The following GRID2 variants were observed in gnomAD, a reference collection of about 807,000 sequenced individuals.
GRID2 encodes the protein glutamate ionotropic receptor delta type subunit 2.
In GRID2, 33 loss-of-function variants were observed where a neutral mutation model predicts 114.8. That is an observed-to-expected ratio of 0.29 (90% CI 0.22 to 0.38). GRID2 has a LOEUF of 0.38. GRID2 is among the 10% of genes least tolerant of loss of function. The pLI is 1.00. For synonymous variants in GRID2, 505 were observed against 449.9 expected, an observed-to-expected ratio of 1.12 and a Z score of -1.55; for missense variants, 1,184 against 1,257.7, an observed-to-expected ratio of 0.94 and a Z score of 0.89.
intron 2 of GRID2, among the ~76,000 whole-genome samples, chr4:93,069,303 C>T (rs1489740474): frequency 1.3e-5 from 2 of 151,328 alleles, no homozygotes; most frequent in African/African-American, 4.8e-5. Flanking sequence ...TATATATATG[C>T]ATGTGTGTAT....
At chr4:92,962,848 C>T (rs1283455743) in intron 2 of GRID2, among the ~76,000 whole-genome samples, 2 of 152,042 alleles carry the variant, frequency 1.3e-5, no homozygotes, top group East Asian at 3.9e-4. Flanking sequence ...AGCAATAGTT[C>T]CCACAGAGGT....
At chr4:92,401,640 G>A (rs760120282) in intron 1 of GRID2, among the ~76,000 whole-genome samples, 3 of 152,078 alleles carry the variant, frequency 2.0e-5, no homozygotes, top group Non-Finnish European at 4.4e-5. Context: ...GTATGCAATA[G>A]CATTATGTCA....
At chr4:93,554,150 A>C (rs893657518) in intron 13 of GRID2, among the ~76,000 whole-genome samples, 6 of 152,262 alleles carry the variant, frequency 3.9e-5, no homozygotes, top group Admixed American at 1.3e-4. Flanking sequence ...GAAAATTACC[A>C]CTATGAATGG....
intron 2 of GRID2, among the ~76,000 whole-genome samples, chr4:92,814,786 A>G (rs1740808088): frequency 2.0e-5 from 3 of 152,086 alleles, no homozygotes; most frequent in Non-Finnish European, 4.4e-5. Flanking sequence ...AACTCACTGA[A>G]AAGCCATCAG....
Position 93,772,145 on chromosome 4 carries a change from C to G in GRID2, c.2671C>G (p.Pro891Ala), listed in dbSNP as rs140345880. The change falls in exon 16 of 16, where the codon CCC becomes GCC. Residue 891 changes from proline to alanine, a missense_variant. Transcript: ENST00000282020. ...VNSLCTDDDS[P>A]HKQFSTSSID... ...TAGCTTGTGCACAGATGACGACAGC[C>G]CCCATAAACAGTTTTCCACCTCGTC... is the stretch of plus-strand genomic sequence containing the variant. The G allele has an allele frequency of 1.9e-6, 3 of 1,612,460 alleles. No individual in the cohort carries two copies. In the African/African-American group the frequency reaches 4.0e-5, roughly 22 times the overall value.
chr4:93,173,826 C>A (rs1363744419), intron 4 of GRID2, among the ~76,000 whole-genome samples: 1 of 152,024 alleles, frequency 6.6e-6, no homozygotes, highest in Non-Finnish European at 1.5e-5. Context: ...GAGACAGGGT[C>A]TTGCTATTTG....
At chr4:92,941,783 G>T (rs1751158230) in intron 2 of GRID2, among the ~76,000 whole-genome samples, 1 of 151,996 alleles carries the variant, frequency 6.6e-6, no homozygotes, top group Non-Finnish European at 1.5e-5. Context: ...TGTTCTCATT[G>T]GTTTCAAAGA....
chr4:93,752,851 T>C (rs528495065), intron 14 of GRID2, among the ~76,000 whole-genome samples: 100 of 152,328 alleles, frequency 6.6e-4, no homozygotes, highest in Non-Finnish European at 5.7e-4. Context: ...GCACATTGTT[T>C]TGCAGGTAAA....
At chr4:93,088,983 C>T (rs542754441) in intron 3 of GRID2, among the ~76,000 whole-genome samples, 1 of 152,130 alleles carries the variant, frequency 6.6e-6, no homozygotes, top group African/African-American at 2.4e-5. Context: ...CTATATCCAG[C>T]CTCTGTTCTA....
chr4:92,739,969 C>A (rs1736791667), intron 2 of GRID2, among the ~76,000 whole-genome samples: 1 of 152,046 alleles, frequency 6.6e-6, no homozygotes, highest in African/African-American at 2.4e-5. Context: ...TCCATAATCT[C>A]ATTATAGAAG....
At chr4:92,475,691 T>G (rs1722270793) in intron 1 of GRID2, among the ~76,000 whole-genome samples, 1 of 152,036 alleles carries the variant, frequency 6.6e-6, no homozygotes, top group Non-Finnish European at 1.5e-5. Flanking sequence ...TTAGGATTAT[T>G]TTTTAATTTT....
intron 4 of GRID2, among the ~76,000 whole-genome samples, chr4:93,131,923 T>C (rs985651239): frequency 6.6e-6 from 1 of 152,202 alleles, no homozygotes; most frequent in African/African-American, 2.4e-5. Context: ...CCGGGTCTCC[T>C]AGAATAGTGT....
chr4:92,843,150 G>A (rs1407785756), intron 2 of GRID2, among the ~76,000 whole-genome samples: 1 of 152,052 alleles, frequency 6.6e-6, no homozygotes, highest in Non-Finnish European at 1.5e-5. Flanking sequence ...GCTGAGGTGG[G>A]AGAATCGCTT....
intron 1 of GRID2, among the ~76,000 whole-genome samples, chr4:93,782,060 A>C (rs1360225945): frequency 6.6e-6 from 1 of 152,202 alleles, no homozygotes; most frequent in African/African-American, 2.4e-5. Flanking sequence ...AATAGTACAG[A>C]AGAACCCTCA....
intron 2 of GRID2, among the ~76,000 whole-genome samples, chr4:92,947,133 G>C (rs933576079): frequency 1.3e-5 from 2 of 152,016 alleles, no homozygotes; most frequent in Non-Finnish European, 2.9e-5. Flanking sequence ...TTATATGTCT[G>C]TTGGCTTTAC....
chr4:92,561,235 T>A (rs900855337), intron 1 of GRID2, among the ~76,000 whole-genome samples: 9 of 152,238 alleles, frequency 5.9e-5, no homozygotes, highest in African/African-American at 2.2e-4. Context: ...TTCAACTTTT[T>A]AAAACTGAAC....
chr4:93,618,702 C>G (rs1341521808), intron 13 of GRID2, among the ~76,000 whole-genome samples: 1 of 152,218 alleles, frequency 6.6e-6, no homozygotes. Context: ...GTGAACCAAG[C>G]TTTCCTCAAA....
At position 93,455,920 on chromosome 4, in the gene GRID2, T is replaced by A. The variant is rs748077293; in HGVS notation, c.1804T>A (p.Ser602Thr). ...ACGATTACAAATGGGATCAATGACGTCTACTACTCTCTACAACTCCATGTG... is the reference window on the plus strand; with the variant it reads ...ACGATTACAAATGGGATCAATGACGACTACTACTCTCTACAACTCCATGTG... Reference protein sequence around the residue: ...PPRLQMGSMTSTTLYNSMWFV... With the variant: ...PPRLQMGSMTTTTLYNSMWFV... The change falls in exon 11 of 16, where the codon TCT (serine) becomes ACT (threonine). Residue 602 changes from serine to threonine, a missense_variant. Around this residue, in one of 3 missense-constraint regions of GRID2, gnomAD observed 717 missense variants for 796.9 expected, o/e 0.90. Coordinates refer to ENST00000282020, the MANE Select transcript of GRID2 (RefSeq NM_001510.4). 6.2e-7 allele frequency: 1 copy of A among 1,611,632 alleles called. No homozygotes were observed. The highest frequency in any genetic ancestry group is 8.5e-7 in the Non-Finnish European group (1 of 1,177,760).
At chr4:93,285,733 T>C (rs1753085955) in intron 8 of GRID2, among the ~76,000 whole-genome samples, 1 of 152,056 alleles carries the variant, frequency 6.6e-6, no homozygotes, top group Admixed American at 6.6e-5. Context: ...AAAATATGAA[T>C]TAAAATTCTG....
Sources: gnomAD v4.1 joint callset for allele counts (sites outside exome capture counted in the v4.1 genomes callset) on GRCh38, gnomAD v4.1.1 for gene constraint, gnomAD v4.1.1 regional missense constraint, MANE v1.5 for transcripts, NCBI Gene and HGNC (gene_info 2026-07-23, HGNC 2026-07-21) for gene names.